CMTM8: variants seen among roughly 807,000 people sequenced by gnomAD.
CMTM8 encodes the protein CKLF like MARVEL transmembrane domain containing 8.
CMTM8 carries 12 observed loss-of-function variants against 18.6 expected under a neutral mutation model. The ratio of observed to expected loss-of-function variants is 0.65; its 90% confidence interval spans 0.41 to 1.05. The LOEUF is 1.05. CMTM8 is among the 50% of genes least tolerant of loss of function. The probability of loss-of-function intolerance (pLI) is 0.00; values close to 1 mark genes in which losing one functional copy is unlikely to be tolerated. For synonymous variants in CMTM8, 87 were observed against 90.6 expected (o/e 0.96, Z 0.23); for missense variants, 217 against 227.2 (o/e 0.95, Z 0.29).
At chr3:32,366,757 C>T (rs1697046732) in intron 2 of CMTM8, among the ~76,000 whole-genome samples, 1 of 152,104 alleles carries the variant, frequency 6.6e-6, no homozygotes, top group African/African-American at 2.4e-5. Context: ...AGATGTGTTT[C>T]TAGACCAAAA....
intron 1 of CMTM8, among the ~76,000 whole-genome samples, chr3:32,307,108 G>A (rs570911050): frequency 3.9e-5 from 6 of 152,034 alleles, no homozygotes; most frequent in Admixed American, 6.6e-5. Context: ...TTGGGAGGCC[G>A]AGGTAGGTGG....
At chr3:32,331,276 C>A (rs1696268768) in intron 1 of CMTM8, among the ~76,000 whole-genome samples, 1 of 152,190 alleles carries the variant, frequency 6.6e-6, no homozygotes, top group African/African-American at 2.4e-5. Context: ...TATTACCTCA[C>A]ACCTGTTAGG....
intron 1 of CMTM8, among the ~76,000 whole-genome samples, chr3:32,306,149 G>A (rs1483211584): frequency 6.6e-6 from 1 of 152,184 alleles, no homozygotes; most frequent in East Asian, 1.9e-4. Flanking sequence ...GCTGATCTCA[G>A]CTGGTGTCAC....
At chr3:32,295,455 C>CAA (rs1400148634) in intron 1 of CMTM8, among the ~76,000 whole-genome samples, 299 of 27,392 alleles carry the variant, frequency 0.011, 12 homozygotes, top group African/African-American at 0.014. Context: ...GACTCCATCT[C>CAA]AAAAAAAAAA....
At chr3:32,260,023 G>T in intron 1 of CMTM8, 1 of 1,129,644 alleles carries the variant, frequency 8.9e-7, no homozygotes. Context: ...AGGCCCAGGA[G>T]TACAAGGCCC....
intron 1 of CMTM8, among the ~76,000 whole-genome samples, chr3:32,306,145 C>T (rs1695710708): frequency 6.6e-6 from 1 of 152,170 alleles, no homozygotes; most frequent in Non-Finnish European, 1.5e-5. Context: ...GTCTGCTGAT[C>T]TCAGCTGGTG....
At chr3:32,307,870 C>G (rs1400186706) in intron 1 of CMTM8, among the ~76,000 whole-genome samples, 1 of 152,146 alleles carries the variant, frequency 6.6e-6, no homozygotes, top group African/African-American at 2.4e-5. Context: ...ACTTTGAGAG[C>G]CAGTCTGGGG....
chr3:32,316,017 CTTTTTTTTT>C (rs150112865), intron 1 of CMTM8, among the ~76,000 whole-genome samples: 1 of 65,036 alleles, frequency 1.5e-5, no homozygotes, highest in Non-Finnish European at 2.7e-5. Flanking sequence ...GTGATTCCAC[CTTTTTTTTT>C]TTTTTTTTTT....
chr3:32,357,288 A>T (rs557125397), intron 1 of CMTM8, 85 bp from the exon 2 acceptor site: 10 of 980,004 alleles, frequency 1.0e-5, no homozygotes, highest in Admixed American at 4.6e-5. Flanking sequence ...CTGTATAATT[A>T]TTTTTTTTTC....
At chr3:32,268,144 C>T (rs1461663476) in intron 1 of CMTM8, among the ~76,000 whole-genome samples, 8 of 152,176 alleles carry the variant, frequency 5.3e-5, no homozygotes, top group East Asian at 1.9e-4. Flanking sequence ...CACATGCACA[C>T]GTATGTTTAT....
chr3:32,280,069 G>A (rs1702582807), intron 1 of CMTM8, among the ~76,000 whole-genome samples: 1 of 152,030 alleles, frequency 6.6e-6, no homozygotes, highest in African/African-American at 2.4e-5. Context: ...TAAATCTATT[G>A]CTTCATAGTG....
At position 32,240,866 on chromosome 3, in the gene CMTM8, C is replaced by T. The variant is rs1006529816; in HGVS notation, c.147+1747C>T. ...GCGGTGGCACCATCATGGTTCACTG[C>T]CGCCTTGACCTCTTGGGCTCAAGCG... On this transcript the variant is annotated intron_variant, in intron 1 of 3. Coordinates refer to ENST00000307526, the MANE Select transcript of CMTM8 (RefSeq NM_178868.5). Among the ~76,000 whole-genome samples, 3 of 152,120 alleles carry T rather than the reference C, an allele frequency of 2.0e-5. No homozygotes were observed. The East Asian group carries it at 5.8e-4, about 29-fold the overall frequency.
intron 1 of CMTM8, among the ~76,000 whole-genome samples, chr3:32,332,645 T>C (rs1696302961): frequency 6.6e-6 from 1 of 152,162 alleles, no homozygotes; most frequent in South Asian, 2.1e-4. Flanking sequence ...GCCGCCTCAA[T>C]CCTTCTTGAA....
chr3:32,318,564 A>ATTT (rs1215037595), intron 1 of CMTM8, among the ~76,000 whole-genome samples: 2,635 of 125,240 alleles, frequency 0.021, 64 homozygotes, highest in Middle Eastern at 0.048. Context: ...GTCATTATTA[A>ATTT]TTTTTTTTTT....
chr3:32,289,201 G>A (rs904019789), intron 1 of CMTM8, among the ~76,000 whole-genome samples: 8 of 152,112 alleles, frequency 5.3e-5, no homozygotes, highest in East Asian at 1.9e-4. Flanking sequence ...CAACGATAAC[G>A]GATCTAATTT....
chr3:32,331,410 G>A (rs945498913), intron 1 of CMTM8, among the ~76,000 whole-genome samples: 3 of 151,900 alleles, frequency 2.0e-5, no homozygotes, highest in Non-Finnish European at 4.4e-5. Flanking sequence ...AGTACGGGGG[G>A]TCCTCAAAAA....
chr3:32,272,162 C>T (rs891713886), intron 1 of CMTM8, among the ~76,000 whole-genome samples: 25 of 152,192 alleles, frequency 1.6e-4, no homozygotes, highest in African/African-American at 6.0e-4. Context: ...TCTTACTGGT[C>T]TCCATGGTTG....
intron 1 of CMTM8, among the ~76,000 whole-genome samples, chr3:32,336,328 G>A (rs1415604246): frequency 2.0e-5 from 3 of 152,224 alleles, no homozygotes; most frequent in Non-Finnish European, 4.4e-5. Flanking sequence ...TGATAAAGTG[G>A]AGTCGGCACA....
intron 1 of CMTM8, among the ~76,000 whole-genome samples, chr3:32,290,480 A>C (rs6796415): frequency 0.029 from 4,490 of 152,302 alleles, 230 homozygotes; most frequent in African/African-American, 0.1. Context: ...GATAATGTAC[A>C]TGTATATTAA....
Sources: allele counts gnomAD v4.1 joint callset (sites outside exome capture counted in the v4.1 genomes callset), GRCh38; gene constraint gnomAD v4.1.1; transcripts MANE v1.5; gene names NCBI Gene and HGNC (gene_info 2026-07-23, HGNC 2026-07-21).